USH2A: variants seen among roughly 807,000 people sequenced by gnomAD.
USH2A encodes the protein usherin.
A neutral mutation model predicts 538.9 loss-of-function variants in USH2A; 443 were observed. The ratio of observed to expected loss-of-function variants is 0.82; its 90% CI spans 0.76 to 0.89. USH2A has a LOEUF of 0.89. Among genes scored for constraint, USH2A ranks in the 40% least tolerant of loss-of-function variants. The pLI, the probability that USH2A is intolerant of heterozygous loss-of-function variation, is 0.00. For missense variants in USH2A, 6,633 were observed against 6,324.8 expected, an observed-to-expected ratio of 1.05 and a Z score of -1.65; for synonymous variants, 2,413 against 2,273.5, an observed-to-expected ratio of 1.06 and a Z score of -1.75.
intron 21 of USH2A, among the ~76,000 whole-genome samples, chr1:216,153,858 G>C (rs1271734166): frequency 6.6e-6 from 1 of 152,154 alleles, no homozygotes; most frequent in Admixed American, 6.5e-5. Flanking sequence ...GCTGCTTGCT[G>C]CCTCCACTCA....
At chr1:215,845,428 C>A (rs1454958712) in intron 45 of USH2A, among the ~76,000 whole-genome samples, 1 of 152,118 alleles carries the variant, frequency 6.6e-6, no homozygotes, top group Non-Finnish European at 1.5e-5. Context: ...AGTGGCTGAA[C>A]TTCCACCTAC....
Position 215,817,061 on chromosome 1 carries a change from T to A in USH2A, c.9506A>T (p.Lys3169Met). Residue 3169 changes from lysine to methionine, a missense_variant, in exon 48 of 72, where the codon AAG (lysine) becomes ATG (methionine). Transcript: ENST00000307340. The stretch of plus-strand genomic sequence containing the variant: ...TTCAGGTTTTTGACACCTCACTGCC[T>A]TGCAGAGCTCATCACTCTGATCCTG... ...LVQDQSDELC[K>M]AVRCQKPESI... is the part of the protein sequence containing the mutation. The A allele has an allele frequency of 1.2e-6, 2 of 1,612,842 alleles. No homozygotes were observed. The highest frequency in any genetic ancestry group is 1.7e-6 in the Non-Finnish European group (2 of 1,179,066).
chr1:215,756,774 A>C (rs1008565449), intron 58 of USH2A, among the ~76,000 whole-genome samples: 4 of 152,034 alleles, frequency 2.6e-5, no homozygotes, highest in African/African-American at 9.7e-5. Context: ...AAATACAAAA[A>C]TTAGCCAGGC....
In USH2A at chr1:216,422,129, AG is replaced by A; in HGVS notation, c.207del (p.Ser70LeufsTer75). The stretch of plus-strand genomic sequence containing the variant: ...AACTGAATACTTTCAGCAGCAGCAG[AG>A]CTGTGACAAAAAGTGCTTCGGTCTG... ...GLPDRSTFCH[S>X]SAAAESIQFC... On this transcript the variant is annotated frameshift_variant, in exon 2 of 72. Transcript: ENST00000307340. LOFTEE classifies it high-confidence loss of function. The A allele has an allele frequency of 6.2e-7, 1 of 1,613,844 alleles. No individual in the cohort carries two copies. Among genetic ancestry groups the A allele is most frequent in the Non-Finnish European group, 8.5e-7 (1 of 1,179,908 alleles).
intron 30 of USH2A, among the ~76,000 whole-genome samples, chr1:216,063,098 A>G (rs1008175758): frequency 6.6e-6 from 1 of 152,198 alleles, no homozygotes; most frequent in Non-Finnish European, 1.5e-5. Flanking sequence ...AATGCTAAAT[A>G]AGGGTTATTT....
At chr1:216,186,289 G>A (rs2034602575) in intron 20 of USH2A, among the ~76,000 whole-genome samples, 1 of 150,768 alleles carries the variant, frequency 6.6e-6, no homozygotes, top group Non-Finnish European at 1.5e-5. Context: ...AATCCTTCAT[G>A]TTCCAGCTTC....
At chr1:216,414,638 CTAACCAG>C (rs1235849900) in intron 3 of USH2A, among the ~76,000 whole-genome samples, 1 of 152,028 alleles carries the variant, frequency 6.6e-6, no homozygotes, top group Non-Finnish European at 1.5e-5. Context: ...CAGGTATAAG[CTAACCAG>C]TAAAAAATCA....
intron 47 of USH2A, among the ~76,000 whole-genome samples, chr1:215,836,505 ATTAT>A (rs1466717629): frequency 6.0e-5 from 1 of 16,806 alleles, no homozygotes; most frequent in Non-Finnish European, 1.0e-4. Context: ...TATAATATAT[ATTAT>A]ATATATATAA....
chr1:216,020,019 CTA>C (rs1274039021), intron 32 of USH2A, among the ~76,000 whole-genome samples: 2 of 152,158 alleles, frequency 1.3e-5, no homozygotes, highest in African/African-American at 4.8e-5. Context: ...AATGGATTGT[CTA>C]TCTTTGAATC....
At chr1:216,385,130 A>G (rs541343697) in intron 3 of USH2A, among the ~76,000 whole-genome samples, 26 of 152,184 alleles carry the variant, frequency 1.7e-4, no homozygotes, top group Non-Finnish European at 2.9e-4. Context: ...GTACACAACA[A>G]CTTAACATGA....
chr1:216,003,596 G>C (rs566682778), intron 32 of USH2A, among the ~76,000 whole-genome samples: 2 of 152,066 alleles, frequency 1.3e-5, no homozygotes, highest in Non-Finnish European at 1.5e-5. Flanking sequence ...TGTGGAAGGA[G>C]GGACATGCCT....
chr1:216,008,545 C>T (rs957402186), intron 32 of USH2A, among the ~76,000 whole-genome samples: 13 of 152,228 alleles, frequency 8.5e-5, no homozygotes, highest in East Asian at 3.9e-4. Flanking sequence ...TTCACATGGA[C>T]GCACATGAAA....
Position 215,781,956 on chromosome 1 carries a change from CA to C in USH2A, c.10740+85del, listed in dbSNP as rs1033264424. ...CTTTGAGGAGGGACATTGTTTTCTT[CA>C]ATGAAAAAAGCAGTCACAACCTGGA... On this transcript the variant is annotated intron_variant, in intron 54 of 71. Transcript: ENST00000307340. 5.1e-6 allele frequency: 8 copies of C among 1,579,470 alleles called. No homozygotes were observed. In the African/African-American group the frequency reaches 8.1e-5, roughly 16 times the overall value.
At chr1:215,740,885 G>A (rs571051784) in intron 60 of USH2A, among the ~76,000 whole-genome samples, 28 of 152,058 alleles carry the variant, frequency 1.8e-4, no homozygotes, top group Non-Finnish European at 2.8e-4. Flanking sequence ...CCCCACATGC[G>A]CAGTTCACAA....
chr1:215,855,842 A>G (rs1664150987), intron 44 of USH2A, among the ~76,000 whole-genome samples: 1 of 152,246 alleles, frequency 6.6e-6, no homozygotes, highest in Admixed American at 6.5e-5. Flanking sequence ...ATAGGCATAT[A>G]GACCAATGAA....
chr1:215,703,919 G>GCTTGAAA (rs1299253310), intron 61 of USH2A, among the ~76,000 whole-genome samples: 4 of 152,140 alleles, frequency 2.6e-5, no homozygotes. Context: ...CTGGTTTTGT[G>GCTTGAAA]CTTGAAACCC....
intron 61 of USH2A, among the ~76,000 whole-genome samples, chr1:215,686,338 C>G (rs1182250443): frequency 2.0e-5 from 3 of 151,968 alleles, no homozygotes; most frequent in African/African-American, 7.2e-5. Context: ...TTGGGGAAGA[C>G]TTAATTGAGA....
At position 215,759,821 on chromosome 1, in the gene USH2A, G is replaced by A. The variant is rs376959773; in HGVS notation, c.11070C>T (p.His3690=). The A allele has an allele frequency of 6.2e-7, 1 of 1,613,850 alleles. No homozygotes were observed. Among genetic ancestry groups the A allele is most frequent in the Non-Finnish European group, 8.5e-7 (1 of 1,179,906 alleles). Residue 3690 remains histidine, a synonymous_variant, in exon 57 of 72, where the codon CAC becomes CAT. Coordinates refer to ENST00000307340, the MANE Select transcript of USH2A (RefSeq NM_206933.4). ...APEGVWVTPR[H]IIINSTTVEL... is the part of the protein sequence containing the mutation. ...CCACTGTTGTAGAATTGATGATAAT[G>A]TGTCGAGGTGTCACCCAAACTCCTG...
chr1:215,677,377 T>C (rs575926000), intron 62 of USH2A, among the ~76,000 whole-genome samples: 1 of 152,186 alleles, frequency 6.6e-6, no homozygotes, highest in African/African-American at 2.4e-5. Flanking sequence ...TATTTTTCAA[T>C]GATTTTAAAT....
Sources: allele counts gnomAD v4.1 joint callset (sites outside exome capture counted in the v4.1 genomes callset), GRCh38; gene constraint gnomAD v4.1.1; transcripts MANE v1.5; gene names NCBI Gene and HGNC (gene_info 2026-07-23, HGNC 2026-07-21).